PKD1L1: variants seen among roughly 807,000 people sequenced by gnomAD.
PKD1L1 encodes polycystin 1 like 1, transient receptor potential channel interacting.
PKD1L1 carries 236 observed loss-of-function variants against 323.4 expected under a neutral mutation model. The ratio of observed to expected loss-of-function variants is 0.73; its 90% CI spans 0.66 to 0.81. The LOEUF (loss-of-function observed/expected upper bound fraction) is 0.81. Ranked by LOEUF, PKD1L1 falls within the 40% of genes least tolerant of loss-of-function variation. The pLI is 0.00. For synonymous variants in PKD1L1, 1,344 were observed against 1,335.0 expected (o/e 1.01, Z -0.15); for missense variants, 3,320 against 3,508.0 (o/e 0.95, Z 1.35).
At position 47,899,198 on chromosome 7, in the gene PKD1L1, C is replaced by T. The variant is rs556521073; in HGVS notation, c.2065-1004G>A. ...GTTACTTTTTAGATGCTCCAAGTAGCCCATCAGGGGCCTGGGGCACTCTCC... is the reference window on the plus strand; with the variant it reads ...GTTACTTTTTAGATGCTCCAAGTAGTCCATCAGGGGCCTGGGGCACTCTCC... On this transcript the variant is annotated intron_variant, in intron 13 of 56. Transcript: ENST00000289672. 3.3e-5 allele frequency among the ~76,000 whole-genome samples: 5 copies of T among 152,260 alleles called. No homozygotes were observed. In the East Asian group the frequency reaches 5.8e-4, roughly 18 times the overall value.
At chr7:47,836,190 T>G (rs546448010) in intron 37 of PKD1L1, among the ~76,000 whole-genome samples, 8 of 152,328 alleles carry the variant, frequency 5.3e-5, no homozygotes, top group Non-Finnish European at 1.0e-4. Context: ...ATAATTGTTA[T>G]TGGATCTCTC....
intron 53 of PKD1L1, among the ~76,000 whole-genome samples, chr7:47,801,237 G>T (rs569467332): frequency 6.6e-6 from 1 of 152,234 alleles, no homozygotes; most frequent in East Asian, 1.9e-4. Flanking sequence ...TTGCCATGAG[G>T]GGGCAGCTCC....
chr7:47,817,336 T>A lies in PKD1L1; in HGVS notation c.6966-1879A>T, dbSNP rs537770594. ...GTGCTTTTGTTCTCCAGTTATTAAC[T>A]GTTTCCAGCACACCACAAAGACTAT... On this transcript the variant is annotated intron_variant, in intron 46 of 56. Transcript: ENST00000289672. Among the ~76,000 whole-genome samples, 4 of 152,310 alleles carry A rather than the reference T, an allele frequency of 2.6e-5. No homozygotes were observed. The South Asian group carries it at 8.3e-4, about 32-fold the overall frequency.
At chr7:47,816,004 G>C (rs6956120) in intron 46 of PKD1L1, among the ~76,000 whole-genome samples, 1,940 of 152,278 alleles carry the variant, frequency 0.013, 42 homozygotes, top group African/African-American at 0.043. Context: ...AAAGGCAGAG[G>C]GGACGGCGAG....
At chr7:47,845,648 G>A (rs951847045) in intron 32 of PKD1L1, among the ~76,000 whole-genome samples, 2 of 152,190 alleles carry the variant, frequency 1.3e-5, no homozygotes, top group Admixed American at 6.5e-5. Context: ...GGAATGCAGT[G>A]GCGTGATTTC....
At chr7:47,795,182 T>C in intron 55 of PKD1L1, 1 of 328,550 alleles carries the variant, frequency 3.0e-6, no homozygotes, top group Non-Finnish European at 6.0e-6. Context: ...TGTTTGGCTG[T>C]GTCCCTATTC....
chr7:47,896,805 C>T (rs1786946270), intron 14 of PKD1L1, among the ~76,000 whole-genome samples: 1 of 152,106 alleles, frequency 6.6e-6, no homozygotes, highest in Non-Finnish European at 1.5e-5. Flanking sequence ...TCCCCACCAC[C>T]CCGAGGTCCC....
chr7:47,910,173 TTAAC>T (rs1787287005), intron 8 of PKD1L1, among the ~76,000 whole-genome samples: 1 of 152,150 alleles, frequency 6.6e-6, no homozygotes. Context: ...GAACCAGAAC[TTAAC>T]TAAGAGTGTG....
At chr7:47,783,487 T>C (rs1486402239) in intron 56 of PKD1L1, among the ~76,000 whole-genome samples, 1 of 152,264 alleles carries the variant, frequency 6.6e-6, no homozygotes, top group East Asian at 1.9e-4. Flanking sequence ...GTATTTGTTT[T>C]GGGTTGAATT....
intron 21 of PKD1L1, among the ~76,000 whole-genome samples, chr7:47,878,498 C>T (rs528115598): frequency 1.5e-3 from 228 of 152,338 alleles, no homozygotes; most frequent in African/African-American, 5.1e-3. Flanking sequence ...CTCTGCTACA[C>T]ACCAGGTGCC....
chr7:47,873,412 A>G (rs111989283), intron 24 of PKD1L1, among the ~76,000 whole-genome samples: 49,260 of 151,760 alleles, frequency 0.32, 8,556 homozygotes, highest in African/African-American at 0.43. Flanking sequence ...ATTTTGGGAG[A>G]CCGAGGCGGG....
chr7:47,876,337 G>A, intron 22 of PKD1L1, 120 bp from the exon 23 acceptor site: 1 of 1,181,882 alleles, frequency 8.5e-7, no homozygotes, highest in South Asian at 1.6e-5. Flanking sequence ...CAGCCAGGAA[G>A]AGGGTAAGTG....
chr7:47,809,373 C>A (rs1202078666), intron 51 of PKD1L1, 100 bp downstream of exon 51: 2 of 838,328 alleles, frequency 2.4e-6, no homozygotes, highest in African/African-American at 3.5e-5. Context: ...ATAATGTTGG[C>A]AGTAGCTAGT....
chr7:47,882,904 G>A (rs1786595402), intron 19 of PKD1L1, among the ~76,000 whole-genome samples: 1 of 152,144 alleles, frequency 6.6e-6, no homozygotes, highest in Non-Finnish European at 1.5e-5. Context: ...GAAGCAGCGA[G>A]GGCAAAGGAA....
At chr7:47,897,295 C>T (rs1786977080) in intron 14 of PKD1L1, among the ~76,000 whole-genome samples, 1 of 152,292 alleles carries the variant, frequency 6.6e-6, no homozygotes, top group South Asian at 2.1e-4. Flanking sequence ...AAAGCTCCTT[C>T]GCTGCAGATA....
chr7:47,846,900 G>T lies in PKD1L1; in HGVS notation c.5132C>A (p.Ser1711Tyr). 4 of 1,601,842 alleles carry T rather than the reference G, an allele frequency of 2.5e-6. No homozygotes were observed. Among genetic ancestry groups the T allele is most frequent in the Non-Finnish European group, 3.4e-6 (4 of 1,176,962 alleles). Residue 1711 changes from serine (S) to tyrosine (Y), a missense_variant, in exon 32 of 57, where the codon TCT becomes TAT. Transcript: ENST00000289672. Reference protein sequence around the residue: ...SERFSPQPGTSPEKVNCSYHR... With the variant: ...SERFSPQPGTYPEKVNCSYHR... ...ATACCTGCAGTTCACTTTTTCAGGA[G>T]AAGTCCCTGGTTGTGGAGAGAAACG... is the stretch of plus-strand genomic sequence containing the variant.
rs374886580 is a variant in PKD1L1 at position 47,905,892 on chromosome 7, C to T, written c.1473G>A (p.Val491=). 338 of 1,613,666 alleles carry T rather than the reference C, an allele frequency of 2.1e-4. No homozygotes were observed. Among genetic ancestry groups the T allele is most frequent in the Non-Finnish European group, 2.0e-4 (235 of 1,179,914 alleles). The change falls in exon 10 of 57, where the codon GTG becomes GTA. Residue 491 remains valine (V), a synonymous_variant. Coordinates refer to ENST00000289672, the MANE Select transcript of PKD1L1 (RefSeq NM_138295.5). The part of the protein sequence containing the change: ...YNVSFISQTQ[V]GDSQAWHSMT... ...TGCTGTGCCAAGCCTGGCTGTCACC[C>T]ACTTGAGTCTGAGAAATAAAGGACA...
intron 14 of PKD1L1, among the ~76,000 whole-genome samples, chr7:47,896,896 C>T (rs966701441): frequency 6.6e-6 from 1 of 152,192 alleles, no homozygotes; most frequent in African/African-American, 2.4e-5. Context: ...TTCACTAACA[C>T]TCTCCCAACA....
intron 46 of PKD1L1, among the ~76,000 whole-genome samples, chr7:47,816,969 C>T (rs1361005818): frequency 6.6e-6 from 1 of 152,166 alleles, no homozygotes; most frequent in African/African-American, 2.4e-5. Context: ...GGCGTGGTGG[C>T]TCATGCCTGT....
Sources: gnomAD v4.1 joint callset for allele counts (sites outside exome capture counted in the v4.1 genomes callset) on GRCh38, gnomAD v4.1.1 for gene constraint, MANE v1.5 for transcripts, NCBI Gene and HGNC (gene_info 2026-07-23, HGNC 2026-07-21) for gene names.